The following BRINP3 variants were observed in gnomAD, a reference collection of about 807,000 sequenced individuals.
BRINP3 encodes BMP/retinoic acid-inducible neural-specific protein 3.
A neutral mutation model predicts 71.0 loss-of-function variants in BRINP3; 19 were observed. The observed-to-expected ratio is 0.27, with a 90% confidence interval of 0.19 to 0.39. BRINP3 has a LOEUF of 0.39. BRINP3 is among the 10% of genes least tolerant of loss of function. The probability of loss-of-function intolerance (pLI) is 1.00; values close to 1 mark genes in which losing one functional copy is unlikely to be tolerated. For synonymous variants in BRINP3, 380 were observed against 337.7 expected, an observed-to-expected ratio of 1.13 and a Z score of -1.37; for missense variants, 959 against 940.8, an observed-to-expected ratio of 1.02 and a Z score of -0.25.
At chr1:190,314,686 G>C (rs1026685342) in intron 2 of BRINP3, among the ~76,000 whole-genome samples, 3 of 152,204 alleles carry the variant, frequency 2.0e-5, no homozygotes, top group Non-Finnish European at 4.4e-5. Flanking sequence ...GCCTCCTGTT[G>C]GACTTCTGGC....
Position 190,216,093 on chromosome 1 carries a change from T to C in BRINP3, c.961+9989A>G, listed in dbSNP as rs554115489. ...TTTATTTTTAACTATGTAGTAGTTATTCATTTTTTCTGGCAATTTTGGTAA... is the reference window on the plus strand; with the variant it reads ...TTTATTTTTAACTATGTAGTAGTTACTCATTTTTTCTGGCAATTTTGGTAA... On this transcript the variant is annotated intron_variant, in intron 6 of 7. Coordinates refer to ENST00000367462, the MANE Select transcript of BRINP3 (RefSeq NM_199051.3). Among the ~76,000 whole-genome samples, 4 of 151,842 alleles carry C rather than the reference T, an allele frequency of 2.6e-5. No homozygotes were observed. The South Asian group carries it at 8.3e-4, about 31-fold the overall frequency.
At chr1:190,109,538 G>T (rs760065842) in intron 7 of BRINP3, among the ~76,000 whole-genome samples, 1 of 152,164 alleles carries the variant, frequency 6.6e-6, no homozygotes, top group Non-Finnish European at 1.5e-5. Context: ...TAGGGGATAC[G>T]CAGATAGCTG....
At chr1:190,287,359 A>C (rs915638791) in intron 2 of BRINP3, among the ~76,000 whole-genome samples, 1 of 152,204 alleles carries the variant, frequency 6.6e-6, no homozygotes, top group Non-Finnish European at 1.5e-5. Context: ...AGTGTTTATA[A>C]AACAGCTAAA....
At chr1:190,118,088 C>G (rs1653302267) in intron 7 of BRINP3, among the ~76,000 whole-genome samples, 1 of 151,808 alleles carries the variant, frequency 6.6e-6, no homozygotes, top group African/African-American at 2.4e-5. Flanking sequence ...GATGCTGAAT[C>G]CACTATGTTT....
At chr1:190,338,151 A>G (rs2103101634) in intron 2 of BRINP3, among the ~76,000 whole-genome samples, 1 of 152,236 alleles carries the variant, frequency 6.6e-6, no homozygotes, top group South Asian at 2.1e-4. Context: ...AACTTAAGCA[A>G]TTGAAGAAGC....
intron 4 of BRINP3, 31 bp downstream of exon 4, chr1:190,264,833 AG>A (rs1313293124): frequency 1.9e-6 from 3 of 1,586,856 alleles, no homozygotes; most frequent in South Asian, 2.3e-5. Context: ...AAACAATGGA[AG>A]GTGATAATTT....
intron 4 of BRINP3, among the ~76,000 whole-genome samples, chr1:190,260,783 TA>T (rs1330706283): frequency 6.6e-6 from 1 of 152,074 alleles, no homozygotes; most frequent in Non-Finnish European, 1.5e-5. Context: ...ACTCTTAAGT[TA>T]ACTATGCAGC....
chr1:190,126,806 G>A (rs954885038), intron 7 of BRINP3, among the ~76,000 whole-genome samples: 29 of 151,742 alleles, frequency 1.9e-4, no homozygotes, highest in African/African-American at 7.0e-4. Context: ...GTTGATTGTC[G>A]ATTGTTTTCT....
intron 4 of BRINP3, among the ~76,000 whole-genome samples, chr1:190,253,235 C>A (rs878958611): frequency 6.6e-6 from 1 of 151,736 alleles, no homozygotes; most frequent in African/African-American, 2.4e-5. Flanking sequence ...CCTCAATAAA[C>A]ACGTGTGGAT....
intron 2 of BRINP3, among the ~76,000 whole-genome samples, chr1:190,293,019 C>T (rs1393524667): frequency 6.6e-6 from 1 of 150,960 alleles, no homozygotes; most frequent in East Asian, 1.9e-4. Context: ...TTTAATCTCA[C>T]TTTCATTTAT....
intron 2 of BRINP3, among the ~76,000 whole-genome samples, chr1:190,393,691 T>G (rs946007992): frequency 6.6e-6 from 1 of 151,658 alleles, no homozygotes; most frequent in African/African-American, 2.4e-5. Context: ...TTTTGATTTA[T>G]TTTCTTACAT....
At chr1:190,101,707 C>A (rs1262797670) in intron 7 of BRINP3, among the ~76,000 whole-genome samples, 3 of 152,014 alleles carry the variant, frequency 2.0e-5, no homozygotes, top group Admixed American at 1.3e-4. Context: ...TCCCTGAAAC[C>A]AAAGAATTAA....
intron 2 of BRINP3, among the ~76,000 whole-genome samples, chr1:190,367,528 G>A (rs188088200): frequency 1.8e-4 from 27 of 152,296 alleles, no homozygotes; most frequent in Non-Finnish European, 2.5e-4. Flanking sequence ...ATTCAGCTCC[G>A]TGTTACTTAC....
intron 2 of BRINP3, among the ~76,000 whole-genome samples, chr1:190,388,697 T>C (rs1671063923): frequency 6.6e-6 from 1 of 151,842 alleles, no homozygotes; most frequent in African/African-American, 2.4e-5. Flanking sequence ...TGTTGTTTTA[T>C]GCCACCCAGT....
At chr1:190,433,195 CTCT>C (rs1210351550) in intron 2 of BRINP3, among the ~76,000 whole-genome samples, 4 of 152,126 alleles carry the variant, frequency 2.6e-5, no homozygotes, top group Non-Finnish European at 5.9e-5. Flanking sequence ...TGCAACTGCT[CTCT>C]TCTTTCTGCT....
intron 3 of BRINP3, among the ~76,000 whole-genome samples, chr1:190,265,847 G>A (rs1460247528): frequency 6.6e-6 from 1 of 152,120 alleles, no homozygotes; most frequent in African/African-American, 2.4e-5. Flanking sequence ...TTCAGATAAA[G>A]CATGTGTATG....
At chr1:190,161,161 C>T (rs1402954580) in intron 6 of BRINP3, among the ~76,000 whole-genome samples, 4 of 151,914 alleles carry the variant, frequency 2.6e-5, no homozygotes, top group Non-Finnish European at 4.4e-5. Flanking sequence ...ATAGTTGAAG[C>T]AGAAAGTTTA....
intron 2 of BRINP3, among the ~76,000 whole-genome samples, chr1:190,434,822 G>A (rs149439491): frequency 5.9e-5 from 9 of 152,150 alleles, no homozygotes; most frequent in East Asian, 3.9e-4. Flanking sequence ...AACTATGAAC[G>A]TGTTAAATAT....
At chr1:190,333,447 T>C (rs1667090735) in intron 2 of BRINP3, among the ~76,000 whole-genome samples, 1 of 151,858 alleles carries the variant, frequency 6.6e-6, no homozygotes, top group African/African-American at 2.4e-5. Context: ...AAAATCAAAA[T>C]AAAGTTAATA....
Sources: allele counts gnomAD v4.1 joint callset (sites outside exome capture counted in the v4.1 genomes callset), GRCh38; gene constraint gnomAD v4.1.1; transcripts MANE v1.5; gene names NCBI Gene and HGNC (gene_info 2026-07-23, HGNC 2026-07-21).